Variants in ADGRL2 observed in about 807,000 individuals in gnomAD.
ADGRL2 encodes calcium-independent alpha-latrotoxin receptor 2.
In ADGRL2, 44 loss-of-function variants were observed where a neutral mutation model predicts 157.4. The observed-to-expected ratio is 0.28, with a 90% CI of 0.22 to 0.36. The LOEUF (loss-of-function observed/expected upper bound fraction) is 0.36. ADGRL2 is among the 10% of genes least tolerant of loss of function. The pLI, the probability that ADGRL2 is intolerant of heterozygous loss-of-function variation, is 1.00. For synonymous variants in ADGRL2, 585 were observed against 624.7 expected (o/e 0.94, Z 0.95); for missense variants, 1,510 against 1,768.9 (o/e 0.85, Z 2.63).
At chr1:81,445,956 T>C (rs1304768688) in intron 2 of ADGRL2, among the ~76,000 whole-genome samples, 2 of 151,944 alleles carry the variant, frequency 1.3e-5, no homozygotes, top group Admixed American at 1.3e-4. Flanking sequence ...GTCCTCACTT[T>C]ACGGATTGTT....
intron 2 of ADGRL2, among the ~76,000 whole-genome samples, chr1:81,457,214 C>T (rs2077825755): frequency 6.6e-6 from 1 of 152,050 alleles, no homozygotes; most frequent in Non-Finnish European, 1.5e-5. Context: ...CTTTCCCCTA[C>T]AATATAACAA....
At chr1:81,670,182 T>C (rs1256359831) in intron 3 of ADGRL2, among the ~76,000 whole-genome samples, 1 of 152,196 alleles carries the variant, frequency 6.6e-6, no homozygotes, top group Admixed American at 6.5e-5. Flanking sequence ...TTCAAAAAAT[T>C]TACAAAATTC....
At chr1:81,966,684 G>A in intron 13 of ADGRL2, 75 bp downstream of exon 13, 3 of 1,297,096 alleles carry the variant, frequency 2.3e-6, no homozygotes, top group Non-Finnish European at 3.3e-6. Context: ...CTGAGGTGCT[G>A]GGGATGGGGA....
intron 1 of ADGRL2, among the ~76,000 whole-genome samples, chr1:81,401,470 T>C (rs913178481): frequency 2.6e-5 from 4 of 152,218 alleles, no homozygotes; most frequent in Non-Finnish European, 5.9e-5. Context: ...CTGTTCTCTA[T>C]GTGGCCATGC....
intron 3 of ADGRL2, among the ~76,000 whole-genome samples, chr1:81,628,114 C>G (rs1354757063): frequency 2.0e-5 from 3 of 152,158 alleles, no homozygotes; most frequent in Non-Finnish European, 4.4e-5. Context: ...TTGAATTAGA[C>G]TCTTGGACCC....
At chr1:81,393,390 A>C (rs1423060429) in intron 1 of ADGRL2, among the ~76,000 whole-genome samples, 1 of 151,948 alleles carries the variant, frequency 6.6e-6, no homozygotes. Context: ...CATATGTAGA[A>C]TGTCATGAGA....
rs1238303253 is a variant in ADGRL2 at position 81,520,562 on chromosome 1, C to T, written c.-247-60314C>T. ...TGGGGGTGGTTTCTCCCATGCTGTT[C>T]TCATGATAGTGAGTGAGTTCTCATG... On this transcript the variant is annotated intron_variant, in intron 2 of 24. Transcript: ENST00000370721. Among the ~76,000 whole-genome samples the T allele has an allele frequency of 2.6e-5, 4 of 152,126 alleles. No individual in the cohort carries two copies. The East Asian group carries it at 7.7e-4, about 29-fold the overall frequency.
At position 81,971,879 on chromosome 1, in the gene ADGRL2, T is replaced by C. The variant is rs1658861702; in HGVS notation, c.2982T>C (p.Phe994=). 6.2e-7 allele frequency: 1 copy of C among 1,611,610 alleles called. No individual in the cohort carries two copies. Among genetic ancestry groups the C allele is most frequent in the Non-Finnish European group, 8.5e-7 (1 of 1,178,424 alleles). ...GCTGGCTTCATGTTGATAACTACTT[T>C]ATATGGAGCTTCATTGGACCTGTTA... ...KACWLHVDNY[F]IWSFIGPVTF... is the part of the protein sequence containing the mutation. The change falls in exon 17 of 24, where the codon TTT becomes TTC. Residue 994 remains phenylalanine, a synonymous_variant. Coordinates refer to ENST00000686636, the MANE Select transcript of ADGRL2 (RefSeq NM_001366006.2).
At chr1:81,669,729 T>C (rs961398835) in intron 3 of ADGRL2, among the ~76,000 whole-genome samples, 1 of 151,594 alleles carries the variant, frequency 6.6e-6, no homozygotes, top group African/African-American at 2.4e-5. Context: ...GATCATGAGG[T>C]CAGGAGATCG....
chr1:81,427,416 G>T (rs1570938530), intron 1 of ADGRL2: 2 of 748,120 alleles, frequency 2.7e-6, no homozygotes, highest in Middle Eastern at 3.7e-4. Flanking sequence ...GGATATGATG[G>T]TTGCAATGGA....
chr1:81,519,900 T>C (rs1166911605), intron 2 of ADGRL2, among the ~76,000 whole-genome samples: 2 of 152,230 alleles, frequency 1.3e-5, no homozygotes, highest in African/African-American at 4.8e-5. Flanking sequence ...CCAATCTCCT[T>C]GCAAGTACTA....
At chr1:81,687,961 A>T (rs2083262621) in intron 3 of ADGRL2, among the ~76,000 whole-genome samples, 1 of 152,110 alleles carries the variant, frequency 6.6e-6, no homozygotes, top group Non-Finnish European at 1.5e-5. Context: ...TTTTTGGCTG[A>T]CATTTGTTTT....
At chr1:81,713,413 T>C (rs1280251228) in intron 1 of ADGRL2, among the ~76,000 whole-genome samples, 1 of 152,240 alleles carries the variant, frequency 6.6e-6, no homozygotes. Flanking sequence ...GACATCAGCA[T>C]GTACCAGAAG....
At chr1:81,929,566 C>T (rs150566458) in intron 3 of ADGRL2, among the ~76,000 whole-genome samples, 1 of 152,230 alleles carries the variant, frequency 6.6e-6, no homozygotes, top group East Asian at 1.9e-4. Flanking sequence ...CCATACTTTG[C>T]ACTTGGTAAA....
intron 2 of ADGRL2, among the ~76,000 whole-genome samples, chr1:81,532,842 C>A (rs946369552): frequency 6.6e-6 from 1 of 151,774 alleles, no homozygotes; most frequent in Non-Finnish European, 1.5e-5. Context: ...ATCACTTGAG[C>A]CCAGGAGATC....
rs772817108 is a variant in ADGRL2 at position 81,966,140 on chromosome 1, A to G, written c.2100A>G (p.Ser700=). Residue 700 remains serine, a synonymous_variant, in exon 12 of 24, where the codon TCA becomes TCG. Coordinates refer to ENST00000686636, the MANE Select transcript of ADGRL2 (RefSeq NM_001366006.2). ...FPLGIKGAGS[S]IQLSANTVKQ... is the part of the protein sequence containing the mutation. ...TGGGCATCAAAGGAGCAGGCAGCTC[A>G]ATCCAACTGTCCGCAAATACCGTCA... 14 of 1,614,108 alleles carry G rather than the reference A, an allele frequency of 8.7e-6. No individual in the cohort carries two copies. The East Asian group carries it at 2.9e-4, about 33-fold the overall frequency.
chr1:81,732,490 G>A (rs1019352394), intron 1 of ADGRL2, among the ~76,000 whole-genome samples: 7 of 152,094 alleles, frequency 4.6e-5, no homozygotes, highest in African/African-American at 1.4e-4. Context: ...TGTTTTAAAT[G>A]ACAAAGATAA....
intron 3 of ADGRL2, among the ~76,000 whole-genome samples, chr1:81,627,365 T>A (rs2081931625): frequency 6.6e-6 from 1 of 152,116 alleles, no homozygotes; most frequent in Non-Finnish European, 1.5e-5. Context: ...TGGGTAAATC[T>A]AAGAGGGACA....
intron 1 of ADGRL2, among the ~76,000 whole-genome samples, chr1:81,828,259 C>G (rs751983400): frequency 6.6e-6 from 1 of 152,130 alleles, no homozygotes; most frequent in Non-Finnish European, 1.5e-5. Context: ...GTCTGGTCCT[C>G]CATAGAAAGA....
Sources: allele counts gnomAD v4.1 joint callset (sites outside exome capture counted in the v4.1 genomes callset), GRCh38; gene constraint gnomAD v4.1.1; transcripts MANE v1.5; gene names NCBI Gene and HGNC (gene_info 2026-07-23, HGNC 2026-07-21).